The following LRRC4C variants were observed in gnomAD, a reference collection of about 807,000 sequenced individuals.
The protein encoded by LRRC4C is leucine rich repeat containing 4C.
LRRC4C carries 5 observed loss-of-function variants against 33.6 expected under a neutral mutation model. The ratio of observed to expected loss-of-function variants is 0.15; its 90% CI spans 0.08 to 0.31. The LOEUF is 0.31. LRRC4C is among the 10% of genes least tolerant of loss of function. The pLI is 1.00. For missense variants in LRRC4C, 560 were observed against 796.7 expected, an observed-to-expected ratio of 0.70 and a Z score of 3.58; for synonymous variants, 329 against 302.0, an observed-to-expected ratio of 1.09 and a Z score of -0.93.
chr11:40,972,278 A>G (rs1009842933), intron 1 of LRRC4C, among the ~76,000 whole-genome samples: 2 of 151,990 alleles, frequency 1.3e-5, no homozygotes, highest in African/African-American at 4.8e-5. Flanking sequence ...CTGGGATTAC[A>G]AGCATGTGCC....
At chr11:40,789,982 A>G (rs1186523634) in intron 2 of LRRC4C, among the ~76,000 whole-genome samples, 1 of 152,214 alleles carries the variant, frequency 6.6e-6, no homozygotes, top group Non-Finnish European at 1.5e-5. Flanking sequence ...TTAAAGGTTG[A>G]ACTGAAGTTT....
chr11:40,510,887 A>C (rs1168710620), intron 3 of LRRC4C, among the ~76,000 whole-genome samples: 1 of 152,168 alleles, frequency 6.6e-6, no homozygotes, highest in Non-Finnish European at 1.5e-5. Context: ...AAAGATTTGG[A>C]TATTGGGCAA....
At chr11:41,448,706 C>T (rs1955921648) in intron 1 of LRRC4C, among the ~76,000 whole-genome samples, 1 of 152,148 alleles carries the variant, frequency 6.6e-6, no homozygotes, top group Admixed American at 6.6e-5. Context: ...TTTTAAATGA[C>T]TTAGAAGACA....
intron 3 of LRRC4C, among the ~76,000 whole-genome samples, chr11:40,351,899 C>A (rs946961162): frequency 6.6e-6 from 1 of 151,870 alleles, no homozygotes; most frequent in Admixed American, 6.6e-5. Flanking sequence ...TTATTTTCAG[C>A]CTATGTGTGC....
At chr11:40,246,101 G>A (rs1866315049) in intron 4 of LRRC4C, among the ~76,000 whole-genome samples, 1 of 151,296 alleles carries the variant, frequency 6.6e-6, no homozygotes, top group Non-Finnish European at 1.5e-5. Context: ...AGCCTCCCAA[G>A]TAGCTGGGAC....
At chr11:40,638,087 C>A (rs1213977760) in intron 3 of LRRC4C, among the ~76,000 whole-genome samples, 1 of 152,194 alleles carries the variant, frequency 6.6e-6, no homozygotes, top group Non-Finnish European at 1.5e-5. Context: ...TTTAAAATTG[C>A]AATGCACTCC....
intron 5 of LRRC4C, among the ~76,000 whole-genome samples, chr11:40,158,952 C>T (rs902073816): frequency 1.3e-5 from 2 of 152,260 alleles, no homozygotes; most frequent in African/African-American, 4.8e-5. Flanking sequence ...TTTATTCACT[C>T]ATGATTTTTT....
chr11:40,728,194 G>A (rs1174303738), intron 2 of LRRC4C, among the ~76,000 whole-genome samples: 1 of 152,136 alleles, frequency 6.6e-6, no homozygotes, highest in African/African-American at 2.4e-5. Context: ...TACACTCTTG[G>A]TGGGAATGTA....
chr11:40,335,459 G>C (rs913620993), intron 3 of LRRC4C, among the ~76,000 whole-genome samples: 15 of 151,048 alleles, frequency 9.9e-5, no homozygotes, highest in Non-Finnish European at 1.6e-4. Context: ...CAAAACAATA[G>C]AAAATAAAGA....
chr11:41,304,271 G>T (rs1950395609), intron 1 of LRRC4C, among the ~76,000 whole-genome samples: 4 of 124,560 alleles, frequency 3.2e-5, no homozygotes, highest in African/African-American at 6.1e-5. Flanking sequence ...GAGGTGAGGG[G>T]CGCCTCTGCC....
At position 40,933,274 on chromosome 11, in the gene LRRC4C, CTG is replaced by C. The variant is rs913923800; in HGVS notation, c.-407+359_-407+360del. 4.4e-4 allele frequency among the ~76,000 whole-genome samples: 67 copies of C among 152,310 alleles called. 1 individual carries two copies. Among genetic ancestry groups the C allele is most frequent in the African/African-American group, 1.5e-3 (64 of 41,586 alleles). ...AGAGACAAACTGACTCCTGGCAAAA[CTG>C]TAATTTGTGTGCCTCAAGGAGAAAT... On this transcript the variant is annotated intron_variant, in intron 2 of 6. Transcript: ENST00000528697.
intron 3 of LRRC4C, among the ~76,000 whole-genome samples, chr11:40,456,752 G>C (rs916104800): frequency 6.6e-6 from 1 of 151,716 alleles, no homozygotes. Flanking sequence ...ATAATTTCAA[G>C]TTTTTAGAGA....
intron 1 of LRRC4C, among the ~76,000 whole-genome samples, chr11:41,273,439 G>A (rs1458131372): frequency 6.6e-6 from 1 of 152,100 alleles, no homozygotes; most frequent in African/African-American, 2.4e-5. Flanking sequence ...CTAACCATTT[G>A]CATCAACATG....
At chr11:40,862,733 G>A (rs777243349) in intron 2 of LRRC4C, among the ~76,000 whole-genome samples, 58 of 152,154 alleles carry the variant, frequency 3.8e-4, no homozygotes, top group Non-Finnish European at 6.9e-4. Flanking sequence ...TCCTGATTCT[G>A]TCACCTAGAC....
chr11:40,486,457 A>G (rs1333045889), intron 3 of LRRC4C, among the ~76,000 whole-genome samples: 1 of 152,074 alleles, frequency 6.6e-6, no homozygotes, highest in Non-Finnish European at 1.5e-5. Flanking sequence ...AAAATCAAAA[A>G]GATCTAACAA....
intron 3 of LRRC4C, among the ~76,000 whole-genome samples, chr11:40,502,778 C>T (rs1203047794): frequency 6.6e-6 from 1 of 152,180 alleles, no homozygotes; most frequent in African/African-American, 2.4e-5. Flanking sequence ...TGACATCTTT[C>T]ACTCTTTGAT....
chr11:40,124,995 T>C (rs1001810627), intron 6 of LRRC4C, among the ~76,000 whole-genome samples: 11 of 151,830 alleles, frequency 7.2e-5, no homozygotes, highest in African/African-American at 2.7e-4. Flanking sequence ...AAATAAATTC[T>C]ATTTCCTAAC....
chr11:40,475,150 C>T (rs1425060065), intron 3 of LRRC4C, among the ~76,000 whole-genome samples: 6 of 152,072 alleles, frequency 3.9e-5, no homozygotes, highest in Non-Finnish European at 5.9e-5. Context: ...CATACATGCA[C>T]ATGTATGTTC....
intron 4 of LRRC4C, among the ~76,000 whole-genome samples, chr11:40,255,050 C>T (rs1357004363): frequency 6.6e-6 from 1 of 152,110 alleles, no homozygotes; most frequent in East Asian, 1.9e-4. Context: ...GACCTCCCAC[C>T]ATGGCCTCCC....
Sources: allele counts gnomAD v4.1 joint callset (sites outside exome capture counted in the v4.1 genomes callset), GRCh38; gene constraint gnomAD v4.1.1; transcripts MANE v1.5; gene names NCBI Gene and HGNC (gene_info 2026-07-23, HGNC 2026-07-21).